Variants in XG observed in about 807,000 individuals in gnomAD.
The protein encoded by XG is glycoprotein Xg.
In XG, 24 loss-of-function variants were observed where a neutral mutation model predicts 25.7. That is an observed-to-expected ratio of 0.93 (90% CI 0.68 to 1.31). XG has a LOEUF of 1.31. XG is among the 40% of genes most tolerant of loss of function. The probability of loss-of-function intolerance (pLI) is 0.00; values close to 1 mark genes in which losing one functional copy is unlikely to be tolerated. For synonymous variants in XG, 77 were observed against 69.2 expected, an observed-to-expected ratio of 1.11 and a Z score of -0.56; for missense variants, 181 against 187.6, an observed-to-expected ratio of 0.96 and a Z score of 0.21.
At chrX:2,775,183 A>G (rs2050950185) in intron 3 of XG, among the ~76,000 whole-genome samples, 1 of 152,248 alleles carries the variant, frequency 6.6e-6, no homozygotes, top group African/African-American at 2.4e-5. Flanking sequence ...ACAAATGTTC[A>G]GAGCAGCACT....
intron 4 of XG, among the ~76,000 whole-genome samples, chrX:2,784,208 G>A (rs781715342): frequency 1.8e-5 from 2 of 111,449 alleles, no homozygotes; most frequent in Non-Finnish European, 3.8e-5. Flanking sequence ...CACAGGGAAC[G>A]TGTTTCTTGC....
At chrX:2,765,531 A>G (rs1420269080) in intron 1 of XG, among the ~76,000 whole-genome samples, 2 of 152,206 alleles carry the variant, frequency 1.3e-5, no homozygotes, top group Non-Finnish European at 2.9e-5. Flanking sequence ...ACGTCCCGTA[A>G]TGATTGCAGT....
intron 1 of XG, among the ~76,000 whole-genome samples, chrX:2,754,043 T>C (rs2050384451): frequency 1.3e-5 from 2 of 152,104 alleles, no homozygotes; most frequent in African/African-American, 4.8e-5. Flanking sequence ...GCTATGGCGT[T>C]TGGTAGGGTA....
intron 1 of XG, among the ~76,000 whole-genome samples, chrX:2,759,256 G>C: frequency 6.6e-6 from 1 of 152,348 alleles, no homozygotes; most frequent in Non-Finnish European, 1.5e-5. Flanking sequence ...CAGCACCCAT[G>C]ACAGAGAGTT....
intron 4 of XG, among the ~76,000 whole-genome samples, chrX:2,786,260 C>CCTTTTTTTTTT (rs2086782547): frequency 1.7e-5 from 1 of 60,571 alleles, no homozygotes; most frequent in Non-Finnish European, 2.8e-5. Flanking sequence ...TCCATGTTGT[C>CCTTTTTTTTTT]TTTTTTTTTT....
At chrX:2,802,333 T>A (rs927516120) in intron 7 of XG, among the ~76,000 whole-genome samples, 5 of 110,583 alleles carry the variant, frequency 4.5e-5, no homozygotes, top group Non-Finnish European at 9.4e-5. Context: ...TTTTAAAAAA[T>A]TTTTGTAGAG....
intron 1 of XG, among the ~76,000 whole-genome samples, chrX:2,763,572 T>C (rs1569459043): frequency 6.6e-6 from 1 of 152,152 alleles, no homozygotes; most frequent in Admixed American, 6.5e-5. Context: ...CCCCAAATGC[T>C]CAGACAAACT....
chrX:2,764,737 C>T (rs2050636678), intron 1 of XG, among the ~76,000 whole-genome samples: 1 of 151,708 alleles, frequency 6.6e-6, no homozygotes, highest in African/African-American at 2.4e-5. Flanking sequence ...CAGTACAATC[C>T]GATGTAAAGA....
chrX:2,785,689 A>T (rs1259843187), intron 4 of XG, among the ~76,000 whole-genome samples: 1 of 111,653 alleles, frequency 9.0e-6, no homozygotes, highest in East Asian at 2.8e-4. Flanking sequence ...AATTATGGAT[A>T]GTGTGGTATA....
At chrX:2,773,907 G>A (rs1459336100) in intron 2 of XG, among the ~76,000 whole-genome samples, 2 of 152,036 alleles carry the variant, frequency 1.3e-5, no homozygotes, top group Non-Finnish European at 2.9e-5. Flanking sequence ...AAGGTGATGA[G>A]AAACCTTCTA....
intron 5 of XG, among the ~76,000 whole-genome samples, chrX:2,793,808 C>A (rs1473189585): frequency 1.8e-5 from 2 of 111,604 alleles, no homozygotes; most frequent in African/African-American, 6.5e-5. Context: ...GGAATTCTCC[C>A]TGGGGAATCG....
chrX:2,794,420 G>A (rs1486132514), intron 5 of XG, 115 bp from the exon 6 acceptor site: 12 of 807,422 alleles, frequency 1.5e-5, no homozygotes, highest in Non-Finnish European at 2.1e-5. Context: ...CAAAGAGCCA[G>A]TTGGCGTCGG....
intron 1 of XG, among the ~76,000 whole-genome samples, chrX:2,760,335 G>A (rs897106217): frequency 1.1e-4 from 16 of 152,020 alleles, no homozygotes; most frequent in Non-Finnish European, 4.4e-5. Context: ...CATGTTCCAT[G>A]GTTTAAATCT....
At chrX:2,760,834 T>A (rs1361860360) in intron 1 of XG, among the ~76,000 whole-genome samples, 6 of 150,198 alleles carry the variant, frequency 4.0e-5, no homozygotes, top group African/African-American at 1.5e-4. Context: ...AAAGACGAGA[T>A]GAAGACACAG....
intron 7 of XG, 146 bp from the exon 8 acceptor site, chrX:2,806,555 C>T (rs939624387): frequency 4.0e-6 from 2 of 504,629 alleles, no homozygotes; most frequent in Non-Finnish European, 3.3e-6. Context: ...CGCCTGTGCA[C>T]CTTCCCTGGC....
chrX:2,758,757 A>G (rs1348783168), intron 1 of XG, among the ~76,000 whole-genome samples: 1 of 152,060 alleles, frequency 6.6e-6, no homozygotes, highest in Non-Finnish European at 1.5e-5. Flanking sequence ...ACAGAAAAGA[A>G]TGATCCAACC....
At chrX:2,759,166 G>A (rs940226337) in intron 1 of XG, among the ~76,000 whole-genome samples, 15 of 152,256 alleles carry the variant, frequency 9.9e-5, no homozygotes, top group Non-Finnish European at 1.9e-4. Context: ...AACAATTTTG[G>A]TAGTTGCACT....
rs1164507894 is a variant in XG at position 2,815,095 on chromosome X, A to C, written c.*715A>C. 1 of 111,774 alleles carries C rather than the reference A, an allele frequency of 8.9e-6. No individual in the cohort carries two copies. Among genetic ancestry groups the C allele is most frequent in the Non-Finnish European group, 1.9e-5 (1 of 53,174 alleles). The allele number at this position is 111,774 out of a possible 1,213,427, so 9.2% of individuals were successfully genotyped here. A position where few individuals can be genotyped will look rare whatever the true frequency, so the allele number is the denominator to read the frequency against. On this transcript the variant is annotated 3_prime_UTR_variant, in exon 11 of 11. Transcript: ENST00000644266. ...ATATGGTTGTGATATGTTTTGGCGC[A>C]TAGGAGACAGAAATAGTGATTATCA...
intron 7 of XG, among the ~76,000 whole-genome samples, chrX:2,798,312 C>T (rs1569043543): frequency 9.2e-6 from 1 of 109,171 alleles, no homozygotes; most frequent in African/African-American, 3.3e-5. Context: ...TCCGTTTTAA[C>T]ATTTTCCCTT....
Sources: gnomAD v4.1 joint callset for allele counts (sites outside exome capture counted in the v4.1 genomes callset) on GRCh38, gnomAD v4.1.1 for gene constraint, MANE v1.5 for transcripts, NCBI Gene and HGNC (gene_info 2026-07-23, HGNC 2026-07-21) for gene names.